Variants in NTSR1 observed in about 807,000 individuals in gnomAD.
NTSR1 encodes neurotensin receptor type 1.
NTSR1 carries 29 observed loss-of-function variants against 31.2 expected under a neutral mutation model. That is an observed-to-expected ratio of 0.93 (90% confidence interval 0.69 to 1.27). The LOEUF is 1.27. Among genes scored for constraint, NTSR1 ranks in the 50% most tolerant of loss-of-function variants. The pLI is 0.00. For missense variants in NTSR1, 697 were observed against 595.4 expected (o/e 1.17, Z -1.78); for synonymous variants, 282 against 269.9 (o/e 1.04, Z -0.44).
chr20:62,727,040 G>A (rs1177806858), intron 1 of NTSR1, among the ~76,000 whole-genome samples: 1 of 152,224 alleles, frequency 6.6e-6, no homozygotes, highest in Non-Finnish European at 1.5e-5. Flanking sequence ...ACAGCTGGAG[G>A]AGAAGGGTTT....
Position 62,711,060 on chromosome 20 carries a change from G to A in NTSR1, c.714+1139G>A, listed in dbSNP as rs1011360957. 3.9e-5 allele frequency among the ~76,000 whole-genome samples: 6 copies of A among 152,208 alleles called. No individual in the cohort carries two copies. Among genetic ancestry groups the A allele is most frequent in the African/African-American group, 1.2e-4 (5 of 41,448 alleles). ...TGCCAGTATGCCCGGTGGGGGTGAG[G>A]GCAGCAGTGCCGGGCAGGGGGTCAC... On this transcript the variant is annotated intron_variant, in intron 1 of 3. Coordinates refer to ENST00000370501, the MANE Select transcript of NTSR1 (RefSeq NM_002531.3). This position sits in a 1 kb window ranked among gnomAD's most constrained non-coding sequence, Gnocchi z 6.4.
rs75855484 is a variant in NTSR1, at chr20:62,727,272, C to T, written c.714+17351C>T. 2.7e-3 allele frequency among the ~76,000 whole-genome samples: 415 copies of T among 152,290 alleles called. 1 individual carries two copies. Among genetic ancestry groups the T allele is most frequent in the African/African-American group, 8.9e-3 (369 of 41,546 alleles). On this transcript the variant is annotated intron_variant, in intron 1 of 3. Coordinates refer to ENST00000370501, the MANE Select transcript of NTSR1 (RefSeq NM_002531.3). ...TGTCACCACGTAGATGCGCTCTCTC[C>T]GGCTCACAGGGCCTGAGGACAGGGT...
intron 1 of NTSR1, among the ~76,000 whole-genome samples, chr20:62,724,914 A>G (rs1330329706): frequency 6.6e-6 from 1 of 152,128 alleles, no homozygotes; most frequent in Non-Finnish European, 1.5e-5. Flanking sequence ...ATCTAAGGAT[A>G]CTGGTCATTA....
intron 1 of NTSR1, among the ~76,000 whole-genome samples, chr20:62,746,085 C>G (rs79802335): frequency 1.3e-5 from 2 of 152,160 alleles, no homozygotes; most frequent in African/African-American, 4.8e-5. Flanking sequence ...GGACGGGGGC[C>G]ACACTAGCAG....
At chr20:62,721,464 A>T (rs1988826429) in intron 1 of NTSR1, among the ~76,000 whole-genome samples, 1 of 152,166 alleles carries the variant, frequency 6.6e-6, no homozygotes, top group African/African-American at 2.4e-5. Flanking sequence ...AATCCTCTGG[A>T]GAGGCAGCCC....
intron 1 of NTSR1, among the ~76,000 whole-genome samples, chr20:62,712,603 C>T (rs1317259366): frequency 6.6e-6 from 1 of 152,208 alleles, no homozygotes; most frequent in Non-Finnish European, 1.5e-5. Context: ...CAGACAGGAC[C>T]TGGTGCCCAG....
chr20:62,721,573 A>T (rs986678619), intron 1 of NTSR1, among the ~76,000 whole-genome samples: 1 of 152,204 alleles, frequency 6.6e-6, no homozygotes. Context: ...TTCCACATGA[A>T]AGTGCCATTC....
intron 1 of NTSR1, among the ~76,000 whole-genome samples, chr20:62,725,029 C>T (rs1302257922): frequency 6.6e-6 from 1 of 152,212 alleles, no homozygotes; most frequent in Non-Finnish European, 1.5e-5. Context: ...ATGGACGTAT[C>T]TTTTCGGGGC....
chr20:62,708,940 C>A lies in NTSR1; in HGVS notation c.-268C>A. 1 of 394,606 alleles carries A rather than the reference C, an allele frequency of 2.5e-6. No homozygotes were observed. Among genetic ancestry groups the A allele is most frequent in the East Asian group, 4.0e-5 (1 of 25,178 alleles). The allele number at this position is 394,606 out of a possible 1,614,324, so 24.4% of individuals were successfully genotyped here. A position where few individuals can be genotyped will look rare whatever the true frequency, so the allele number is the denominator to read the frequency against. On this transcript the variant is annotated 5_prime_UTR_variant, in exon 1 of 4. Coordinates refer to ENST00000370501, the MANE Select transcript of NTSR1 (RefSeq NM_002531.3). The surrounding 1 kb of genome is among the most constrained non-coding windows in gnomAD (Gnocchi z 5.9). ...AGGCACCTGGAACCCGTGGCAAGCGCCGAGCCGGGAGACAGCCCGAGGAAC... is the reference window on the plus strand; with the variant it reads ...AGGCACCTGGAACCCGTGGCAAGCGACGAGCCGGGAGACAGCCCGAGGAAC...
At chr20:62,724,902 T>C (rs1402686915) in intron 1 of NTSR1, among the ~76,000 whole-genome samples, 1 of 152,198 alleles carries the variant, frequency 6.6e-6, no homozygotes, top group Non-Finnish European at 1.5e-5. Context: ...CGTCTCTGTG[T>C]CATCTAAGGA....
intron 1 of NTSR1, among the ~76,000 whole-genome samples, chr20:62,738,862 G>A (rs892141398): frequency 6.6e-6 from 1 of 152,230 alleles, no homozygotes; most frequent in Non-Finnish European, 1.5e-5. Context: ...ATCATGAGGA[G>A]GAGACAGGGC....
At position 62,741,209 on chromosome 20, in the gene NTSR1, G is replaced by A. The variant is rs558906127; in HGVS notation, c.715-13476G>A. Among the ~76,000 whole-genome samples, 184 of 151,844 alleles carry A rather than the reference G, an allele frequency of 1.2e-3. No homozygotes were observed. The highest frequency in any genetic ancestry group is 1.9e-3 in the Non-Finnish European group (131 of 67,704). Reference sequence around the variant, plus strand: ...CAGGCTGCTAAGTCAGGGGTCTCCCGGCAGCCAGGCTGCTGCCAGTCCCGC... The same window carrying A: ...CAGGCTGCTAAGTCAGGGGTCTCCCAGCAGCCAGGCTGCTGCCAGTCCCGC... On this transcript the variant is annotated intron_variant, in intron 1 of 3. Transcript: ENST00000370501. The surrounding 1 kb of genome is among the most constrained non-coding windows in gnomAD (Gnocchi z 4.3).
At chr20:62,740,596 G>C (rs1012508462) in intron 1 of NTSR1, among the ~76,000 whole-genome samples, 1 of 152,188 alleles carries the variant, frequency 6.6e-6, no homozygotes, top group Non-Finnish European at 1.5e-5. Flanking sequence ...CTGTGGACTC[G>C]AGCCCAGGGG....
At chr20:62,734,597 A>C (rs879304457) in intron 1 of NTSR1, among the ~76,000 whole-genome samples, 2 of 152,206 alleles carry the variant, frequency 1.3e-5, no homozygotes, top group Admixed American at 6.5e-5. Context: ...TGCCTGGCCC[A>C]GGTGGCTTCC....
chr20:62,748,889 G>C (rs942362524), intron 1 of NTSR1, among the ~76,000 whole-genome samples: 1 of 152,172 alleles, frequency 6.6e-6, no homozygotes, highest in Non-Finnish European at 1.5e-5. Flanking sequence ...CTCTGCACGC[G>C]ATGCCCCATG....
rs1326602410 is a variant in NTSR1, at chr20:62,711,589, C to T, written c.714+1668C>T. On this transcript the variant is annotated intron_variant, in intron 1 of 3. Coordinates refer to ENST00000370501, the MANE Select transcript of NTSR1 (RefSeq NM_002531.3). This position sits in a 1 kb window ranked among gnomAD's most constrained non-coding sequence, Gnocchi z 6.4. The stretch of plus-strand genomic sequence containing the variant: ...CCCCCGATCCCCCCGCTCAGATCCC[C>T]GATCCCCCCGCTCAGAACCCCGATC... Among the ~76,000 whole-genome samples the T allele has an allele frequency of 2.0e-5, 3 of 147,572 alleles. No individual in the cohort carries two copies. The highest frequency in any genetic ancestry group is 6.7e-5 in the Admixed American group (1 of 14,880).
chr20:62,756,371 C>T (rs903384506), intron 2 of NTSR1, among the ~76,000 whole-genome samples: 6 of 152,206 alleles, frequency 3.9e-5, no homozygotes, highest in Non-Finnish European at 7.4e-5. Context: ...GCAGGGCAGA[C>T]GCTGCCAACA....
intron 1 of NTSR1, among the ~76,000 whole-genome samples, chr20:62,730,235 C>A (rs1283383225): frequency 2.0e-5 from 3 of 152,146 alleles, no homozygotes; most frequent in Non-Finnish European, 2.9e-5. Context: ...CCGAAAAAAT[C>A]CTTGGAGCTC....
chr20:62,727,882 C>T (rs1988935910), intron 1 of NTSR1, among the ~76,000 whole-genome samples: 2 of 152,250 alleles, frequency 1.3e-5, no homozygotes, highest in Admixed American at 1.3e-4. Flanking sequence ...GGCAAAGGGA[C>T]AGACCTGTGT....
Sources: gnomAD v4.1 joint callset for allele counts (sites outside exome capture counted in the v4.1 genomes callset) on GRCh38, gnomAD v4.1.1 for gene constraint, Gnocchi (gnomAD v3.1) non-coding constraint, MANE v1.5 for transcripts, NCBI Gene and HGNC (gene_info 2026-07-23, HGNC 2026-07-21) for gene names.